The following BTNL2 variants were observed in gnomAD, a reference collection of about 807,000 sequenced individuals.
BTNL2 encodes the protein butyrophilin-like protein 2.
Under a neutral mutation model 46.8 loss-of-function variants are expected in BTNL2, and 46 were observed. The observed-to-expected ratio is 0.98, with a 90% CI of 0.78 to 1.26. The LOEUF (loss-of-function observed/expected upper bound fraction) is 1.26. Among genes scored for constraint, BTNL2 ranks in the 50% most tolerant of loss-of-function variants. The pLI, the probability that BTNL2 is intolerant of heterozygous loss-of-function variation, is 0.00. For missense variants in BTNL2, 461 were observed against 592.6 expected (o/e 0.78, Z 2.31); for synonymous variants, 226 against 229.1 (o/e 0.99, Z 0.12).
intron 5 of BTNL2, among the ~76,000 whole-genome samples, chr6:32,395,421 A>T (rs1445987804): frequency 2.0e-5 from 3 of 152,186 alleles, no homozygotes; most frequent in Non-Finnish European, 4.4e-5. Flanking sequence ...AGGCTCATGA[A>T]ACTTCTCAAC....
chr6:32,395,262 T>C (rs1337449123), intron 5 of BTNL2, among the ~76,000 whole-genome samples: 1 of 152,230 alleles, frequency 6.6e-6, no homozygotes, highest in East Asian at 1.9e-4. Flanking sequence ...GTAAGGTAAA[T>C]GTTCAAATCC....
chr6:32,402,218 T>A (rs1409850624), intron 3 of BTNL2, among the ~76,000 whole-genome samples: 1 of 152,250 alleles, frequency 6.6e-6, no homozygotes, highest in Non-Finnish European at 1.5e-5. Flanking sequence ...AATTAAAATG[T>A]AACATTAACT....
Position 32,394,387 on chromosome 6 carries a change from T to C in BTNL2, c.1361-330A>G, listed in dbSNP as rs892600999. On this transcript the variant is annotated intron_variant, in intron 6 of 7. Coordinates refer to ENST00000454136, the MANE Select transcript of BTNL2 (RefSeq NM_001304561.2). This position sits in a 1 kb window ranked among gnomAD's most constrained non-coding sequence, Gnocchi z 4.6. Reference sequence around the variant, plus strand: ...GATGGTATTAATAAAAATCAGTTTCTAATCCAGAAGAAAATCCTCCATGAG... The same window carrying C: ...GATGGTATTAATAAAAATCAGTTTCCAATCCAGAAGAAAATCCTCCATGAG... 2.6e-5 allele frequency among the ~76,000 whole-genome samples: 4 copies of C among 152,232 alleles called. No homozygotes were observed. Among genetic ancestry groups the C allele is most frequent in the African/African-American group, 9.6e-5 (4 of 41,454 alleles).
rs147425191 is a variant in BTNL2, at chr6:32,397,969, A to T, written c.731-1583T>A. 5.3e-3 allele frequency among the ~76,000 whole-genome samples: 810 copies of T among 152,350 alleles called. 9 individuals carry two copies. The highest frequency in any genetic ancestry group is 0.018 in the African/African-American group (765 of 41,576). On this transcript the variant is annotated intron_variant, in intron 4 of 7. Coordinates refer to ENST00000454136, the MANE Select transcript of BTNL2 (RefSeq NM_001304561.2). ...TTGAATGTCCTCAAATAATTTTGAA[A>T]ATTAAAATTAACATTTTAAGATCAA...
At chr6:32,405,572 T>A in intron 1 of BTNL2, 1 of 436,908 alleles carries the variant, frequency 2.3e-6, no homozygotes, top group Non-Finnish European at 4.3e-6. Flanking sequence ...GATTTTGAGA[T>A]TTGAAGTCCT....
In BTNL2 at chr6:32,403,014, G is replaced by T; in HGVS notation, c.630C>A (p.Asn210Lys). The part of the protein sequence containing the change: ...FYAEATLVVR[N>K]ASAESVSCLV... ...AGCAGGACACAGACTCTGCAGAGGC[G>T]TTCCTGACCACCAGGGTGGCTTCCG... is the stretch of plus-strand genomic sequence containing the variant. Residue 210 changes from asparagine to lysine, a missense_variant, in exon 3 of 8, where the codon AAC becomes AAA. Physicochemically the swap from Asn to Lys is moderately conservative, Grantham distance 94. Transcript: ENST00000454136. 6.2e-7 allele frequency: 1 copy of T among 1,612,848 alleles called. No individual in the cohort carries two copies. Among genetic ancestry groups the T allele is most frequent in the Non-Finnish European group, 8.5e-7 (1 of 1,179,910 alleles).
rs1189281137 is a variant in BTNL2, at chr6:32,393,844, A to G, written c.*6+119T>C. ...GCTTTCCTGTTTCTCATGTTTCCTT[A>G]GTTACTGGATATTCACTGACTGCCT... On this transcript the variant is annotated intron_variant, in intron 7 of 7. Coordinates refer to ENST00000454136, the MANE Select transcript of BTNL2 (RefSeq NM_001304561.2). This position sits in a 1 kb window ranked among gnomAD's most constrained non-coding sequence, Gnocchi z 4.8. 2 of 1,353,506 alleles carry G rather than the reference A, an allele frequency of 1.5e-6. No individual in the cohort carries two copies. The highest frequency in any genetic ancestry group is 2.0e-6 in the Non-Finnish European group (2 of 1,019,320). 83.8% of individuals were successfully genotyped at this position (1,353,506 alleles called of 1,614,324 possible).
chr6:32,400,991 G>A (rs1359411013), intron 4 of BTNL2, among the ~76,000 whole-genome samples: 1 of 143,778 alleles, frequency 7.0e-6, no homozygotes, highest in African/African-American at 2.5e-5. Flanking sequence ...GGGGGATCAC[G>A]AGATCAGGAG....
chr6:32,396,208 C>T lies in BTNL2; in HGVS notation c.909G>A (p.Glu303=), dbSNP rs764499549. The change falls in exon 5 of 8, where the codon GAG becomes GAA. Residue 303 remains glutamate, a synonymous_variant. Transcript: ENST00000454136. This position sits in a 1 kb window ranked among gnomAD's most constrained non-coding sequence, Gnocchi z 4.4. ...VYMDGDHVAG[E]QMAEYRGRTV... is the part of the protein sequence containing the mutation. Reference sequence around the variant, plus strand: ...TCCTCCCTCTGTACTCTGCCATCTGCTCTCCAGCCACATGGTCCCCATCCA... The same window carrying T: ...TCCTCCCTCTGTACTCTGCCATCTGTTCTCCAGCCACATGGTCCCCATCCA... The T allele has an allele frequency of 1.2e-6, 2 of 1,613,106 alleles. No individual in the cohort carries two copies. Among genetic ancestry groups the T allele is most frequent in the East Asian group, 4.5e-5 (2 of 44,882 alleles).
At position 32,405,178 on chromosome 6, in the gene BTNL2, A is replaced by T; in HGVS notation, c.188T>A (p.Val63Glu). Reference protein sequence around the residue: ...LPKRTTMHVEVRWYRSEPSTP... With the variant: ...LPKRTTMHVEERWYRSEPSTP... ...GCTGGGCTCTGAGCGGTACCACCTCACCTCCACGTGCATTGTGGTCCTCTT... is the reference window on the plus strand; with the variant it reads ...GCTGGGCTCTGAGCGGTACCACCTCTCCTCCACGTGCATTGTGGTCCTCTT... Residue 63 changes from valine (V) to glutamate (E), a missense_variant, in exon 2 of 8, where the codon GTG (valine) becomes GAG (glutamate). Physicochemically the swap from Val to Glu is moderately radical, Grantham distance 121 (BLOSUM62 -2). Transcript: ENST00000454136. 6.2e-7 allele frequency: 1 copy of T among 1,612,790 alleles called. No homozygotes were observed.
Position 32,396,012 on chromosome 6 carries a change from T to C in BTNL2, c.1078+27A>G, listed in dbSNP as rs780592400. Reference sequence around the variant, plus strand: ...TAAAGTGGCAGGAGCAGGTATTGAATACAAAATATCTATCTAGAATTCTTA... The same window carrying C: ...TAAAGTGGCAGGAGCAGGTATTGAACACAAAATATCTATCTAGAATTCTTA... On this transcript the variant is annotated intron_variant, in intron 5 of 7. Coordinates refer to ENST00000454136, the MANE Select transcript of BTNL2 (RefSeq NM_001304561.2). The surrounding 1 kb of genome is among the most constrained non-coding windows in gnomAD (Gnocchi z 4.4). 1 of 1,559,648 alleles carries C rather than the reference T, an allele frequency of 6.4e-7. No individual in the cohort carries two copies. Among genetic ancestry groups the C allele is most frequent in the East Asian group, 2.3e-5 (1 of 44,364 alleles).
rs1259926411 is a variant in BTNL2, at chr6:32,394,678, T to C, written c.1360+66A>G. 1.3e-6 allele frequency: 2 copies of C among 1,493,262 alleles called. No individual in the cohort carries two copies. Among genetic ancestry groups the C allele is most frequent in the African/African-American group, 2.8e-5 (2 of 71,774 alleles). 92.5% of individuals were successfully genotyped at this position (1,493,262 alleles called of 1,614,324 possible). A position where few individuals can be genotyped will look rare whatever the true frequency, so the allele number is the denominator to read the frequency against. ...TCACAAAGGAAGAAGAGCAATACAA[T>C]GAGTAAGTCTGAGTTGGTCTTCATA... On this transcript the variant is annotated intron_variant, in intron 6 of 7. Transcript: ENST00000454136. This position sits in a 1 kb window ranked among gnomAD's most constrained non-coding sequence, Gnocchi z 4.6.
intron 4 of BTNL2, among the ~76,000 whole-genome samples, chr6:32,401,065 G>A (rs189908927): frequency 2.0e-5 from 3 of 146,456 alleles, no homozygotes; most frequent in Middle Eastern, 3.6e-3. Context: ...AAAATTAGCC[G>A]GGCGTGGTGG....
Position 32,393,956 on chromosome 6 carries a change from G to A in BTNL2, c.*6+7C>T, listed in dbSNP as rs529574964. On this transcript the variant is annotated splice_region_variant and intron_variant, in intron 7 of 7. Transcript: ENST00000454136. This position sits in a 1 kb window ranked among gnomAD's most constrained non-coding sequence, Gnocchi z 4.8. ...TGTGCTCCGCTGTTTCTGTTTCCCT[G>A]ACTTACCTCTTTTCAGCTCCTCTTC... 1 of 1,545,690 alleles carries A rather than the reference G, an allele frequency of 6.5e-7. No homozygotes were observed. Among genetic ancestry groups the A allele is most frequent in the East Asian group, 2.5e-5 (1 of 40,670 alleles).
intron 4 of BTNL2, among the ~76,000 whole-genome samples, chr6:32,400,745 T>TAAAAAAAA (rs55703731): frequency 1.2e-5 from 1 of 82,144 alleles, no homozygotes. Context: ...CCGTCTCTAC[T>TAAAAAAAA]AAAAAAAAAA....
chr6:32,401,471 C>G (rs1470780252), intron 4 of BTNL2, among the ~76,000 whole-genome samples: 1 of 152,062 alleles, frequency 6.6e-6, no homozygotes, highest in African/African-American at 2.4e-5. Flanking sequence ...CTGCTGTCAT[C>G]CCCCACACAT....
chr6:32,405,329 G>A lies in BTNL2; in HGVS notation c.80-43C>T, dbSNP rs896728629. On this transcript the variant is annotated intron_variant, in intron 1 of 7. Coordinates refer to ENST00000454136, the MANE Select transcript of BTNL2 (RefSeq NM_001304561.2). ...AAGAGGAACGAGGAAATGCCAATCAGAAAATCATATGCATGCTTTGGGGTG... is the reference window on the plus strand; with the variant it reads ...AAGAGGAACGAGGAAATGCCAATCAAAAAATCATATGCATGCTTTGGGGTG... 3 of 1,582,056 alleles carry A rather than the reference G, an allele frequency of 1.9e-6. No individual in the cohort carries two copies. The Admixed American group carries it at 5.1e-5, about 27-fold the overall frequency.
At chr6:32,400,582 A>G (rs1776686735) in intron 4 of BTNL2, among the ~76,000 whole-genome samples, 1 of 151,890 alleles carries the variant, frequency 6.6e-6, no homozygotes, top group South Asian at 2.1e-4. Flanking sequence ...GGTGCAGCAA[A>G]ATAATACCCT....
rs561415444 is a variant in BTNL2, at chr6:32,397,323, A to G, written c.731-937T>C. On this transcript the variant is annotated intron_variant, in intron 4 of 7. Coordinates refer to ENST00000454136, the MANE Select transcript of BTNL2 (RefSeq NM_001304561.2). ...TAGTTGCAGGCAGCCAACTGTTGAA[A>G]CCCTGTTCAAATCGGCAAACGCCAG... 1.0e-3 allele frequency among the ~76,000 whole-genome samples: 153 copies of G among 152,170 alleles called. 1 individual carries two copies. The highest frequency in any genetic ancestry group is 2.1e-3 in the South Asian group (10 of 4,816).
Sources: gnomAD v4.1 joint callset for allele counts (sites outside exome capture counted in the v4.1 genomes callset) on GRCh38, gnomAD v4.1.1 for gene constraint, Gnocchi (gnomAD v3.1) non-coding constraint, MANE v1.5 for transcripts, NCBI Gene and HGNC (gene_info 2026-07-23, HGNC 2026-07-21) for gene names.